Variants in AFAP1L2 observed in about 807,000 individuals in gnomAD.
The protein encoded by AFAP1L2 is actin filament associated protein 1 like 2, also known as actin filament-associated protein 1-like 2.
A neutral mutation model predicts 99.3 loss-of-function variants in AFAP1L2; 46 were observed. That is an observed-to-expected ratio of 0.46 (90% confidence interval 0.37 to 0.59). The LOEUF (loss-of-function observed/expected upper bound fraction) is 0.59. AFAP1L2 is among the 20% of genes least tolerant of loss of function. The pLI is 0.00. For missense variants in AFAP1L2, 959 were observed against 1,034.9 expected, an observed-to-expected ratio of 0.93 and a Z score of 1.01; for synonymous variants, 397 against 419.1, an observed-to-expected ratio of 0.95 and a Z score of 0.64.
chr10:114,294,094 T>TTCAA (rs1171958981), downstream of AFAP1L2, among the ~76,000 whole-genome samples: 5 of 152,202 alleles, frequency 3.3e-5, no homozygotes, highest in Non-Finnish European at 5.9e-5. Flanking sequence ...TTTGTGTATT[T>TTCAA]TCAATCATTG....
chr10:114,388,798 C>T (rs1159075864), intron 1 of AFAP1L2, among the ~76,000 whole-genome samples: 3 of 152,166 alleles, frequency 2.0e-5, no homozygotes, highest in South Asian at 2.1e-4. Context: ...CTTGAGAAAA[C>T]AGAAATGAGG....
the AFAP1L2 span, chr10:114,288,984 T>C: frequency 6.2e-7 from 1 of 1,614,114 alleles, no homozygotes; most frequent in Non-Finnish European, 8.5e-7. Context: ...TGGACACCTC[T>C]GCCTCAGTAG....
In AFAP1L2 at chr10:114,313,911, A is replaced by G; in HGVS notation, c.752T>C (p.Leu251Pro). Residue 251 changes from leucine (L) to proline (P), a missense_variant, in exon 7 of 19, where the codon CTG becomes CCG. Leu to Pro is a moderately conservative substitution (Grantham distance 98). Transcript: ENST00000304129. ...AGCCTGGTCCTTGCTCTGCAGGCCC[A>G]GCACAATCACATCGGCATTCATCGG... is the stretch of plus-strand genomic sequence containing the variant. ...ITPMNADVIV[L>P]GLQSKDQAEQ... is the part of the protein sequence containing the mutation. 6.2e-7 allele frequency: 1 copy of G among 1,613,902 alleles called. No homozygotes were observed. Among genetic ancestry groups the G allele is most frequent in the Non-Finnish European group, 8.5e-7 (1 of 1,179,928 alleles).
At chr10:114,341,751 C>T (rs537541607) in intron 1 of AFAP1L2, among the ~76,000 whole-genome samples, 1 of 152,296 alleles carries the variant, frequency 6.6e-6, no homozygotes, top group Admixed American at 6.5e-5. Flanking sequence ...ACACAGCACC[C>T]CTCTTTCCTT....
At chr10:114,335,297 T>C (rs577515849) in intron 2 of AFAP1L2, among the ~76,000 whole-genome samples, 6 of 152,148 alleles carry the variant, frequency 3.9e-5, no homozygotes, top group East Asian at 3.9e-4. Context: ...CAATACTGCA[T>C]GATTTTTTTT....
intron 1 of AFAP1L2, among the ~76,000 whole-genome samples, chr10:114,353,543 AT>A (rs1395858026): frequency 6.6e-6 from 1 of 152,254 alleles, no homozygotes; most frequent in African/African-American, 2.4e-5. Context: ...AAGGGAGGCC[AT>A]GTGGTTCCAC....
chr10:114,296,159 G>A (rs2040190376), intron 18 of AFAP1L2, 91 bp from the exon 19 acceptor site: 1 of 1,564,224 alleles, frequency 6.4e-7, no homozygotes, highest in South Asian at 1.1e-5. Context: ...TAGAAAAAAT[G>A]TGAGAAAAAC....
At chr10:114,355,796 A>G (rs2051283060) in intron 1 of AFAP1L2, among the ~76,000 whole-genome samples, 1 of 151,834 alleles carries the variant, frequency 6.6e-6, no homozygotes, top group Admixed American at 6.5e-5. Flanking sequence ...ACATGCAAAA[A>G]CCCTATCTCT....
intron 2 of AFAP1L2, among the ~76,000 whole-genome samples, chr10:114,337,211 C>A (rs1039269805): frequency 4.6e-5 from 7 of 152,242 alleles, no homozygotes; most frequent in African/African-American, 1.7e-4. Flanking sequence ...CAGGCCCAAG[C>A]CCTGGCTCTG....
At position 114,310,672 on chromosome 10, in the gene AFAP1L2, G is replaced by A. The variant is rs565819125; in HGVS notation, c.793-229C>T. Among the ~76,000 whole-genome samples the A allele has an allele frequency of 2.2e-4, 34 of 152,294 alleles. 1 individual carries two copies. Among genetic ancestry groups the A allele is most frequent in the South Asian group, 1.4e-3 (7 of 4,828 alleles). ...AGGGCTCGTTGTTTAGCTCCTTTCC[G>A]CAGGTCCCACACGTTCATGGGCATG... is the stretch of plus-strand genomic sequence containing the variant. On this transcript the variant is annotated intron_variant, in intron 7 of 18. Transcript: ENST00000304129.
chr10:114,329,627 C>G (rs1170975718), intron 4 of AFAP1L2, among the ~76,000 whole-genome samples: 1 of 152,184 alleles, frequency 6.6e-6, no homozygotes, highest in Non-Finnish European at 1.5e-5. Context: ...CTGGGCCATA[C>G]CAGAAAACCT....
At chr10:114,308,288 T>C (rs2042723545) in intron 9 of AFAP1L2, 145 bp downstream of exon 9, 1 of 684,142 alleles carries the variant, frequency 1.5e-6, no homozygotes, top group South Asian at 1.9e-5. Context: ...GTCTCCCTTT[T>C]TCCTGGATCT....
chr10:114,391,968 A>G (rs2057209212), intron 1 of AFAP1L2, among the ~76,000 whole-genome samples: 1 of 152,202 alleles, frequency 6.6e-6, no homozygotes, highest in Non-Finnish European at 1.5e-5. Flanking sequence ...CCCCACAGCC[A>G]CTGGTGAGCT....
chr10:114,323,252 G>T lies in AFAP1L2; in HGVS notation c.325C>A (p.Arg109=). 1 of 1,594,638 alleles carries T rather than the reference G, an allele frequency of 6.3e-7. No individual in the cohort carries two copies. The highest frequency in any genetic ancestry group is 8.6e-7 in the Non-Finnish European group (1 of 1,169,204). ...DLPPPKMIPE[R]KQLAIPKTES... ...GTCTTTGGGATGGCAAGCTGTTTCC[G>T]TTCTGGAATCTGTGGTATGAACAAA... is the stretch of plus-strand genomic sequence containing the variant. The change falls in exon 5 of 19, where the codon CGG becomes AGG. Residue 109 remains arginine (R), a synonymous_variant. Coordinates refer to ENST00000304129, the MANE Select transcript of AFAP1L2 (RefSeq NM_001001936.3).
chr10:114,369,245 C>T (rs1471626274), intron 1 of AFAP1L2, among the ~76,000 whole-genome samples: 1 of 152,060 alleles, frequency 6.6e-6, no homozygotes, highest in African/African-American at 2.4e-5. Context: ...AACATTGAAG[C>T]CAGGAGTTCA....
At chr10:114,376,237 T>C (rs1433961878) in intron 1 of AFAP1L2, among the ~76,000 whole-genome samples, 1 of 152,192 alleles carries the variant, frequency 6.6e-6, no homozygotes, top group Non-Finnish European at 1.5e-5. Flanking sequence ...CACATTGACT[T>C]GTGAAATAAA....
chr10:114,303,984 C>T (rs1260226705), intron 11 of AFAP1L2, among the ~76,000 whole-genome samples: 2 of 152,214 alleles, frequency 1.3e-5, no homozygotes, highest in African/African-American at 2.4e-5. Flanking sequence ...GCCACAAGGA[C>T]GGAGTCCATA....
chr10:114,311,142 A>G (rs1387864354), intron 7 of AFAP1L2, among the ~76,000 whole-genome samples: 3 of 152,104 alleles, frequency 2.0e-5, no homozygotes, highest in Admixed American at 2.0e-4. Context: ...AGACTCTGGG[A>G]AGGGAGGCTG....
chr10:114,327,146 T>C (rs1292659236), intron 4 of AFAP1L2, among the ~76,000 whole-genome samples: 1 of 27,762 alleles, frequency 3.6e-5, no homozygotes. Flanking sequence ...TTTATATATA[T>C]TTATATATAT....
Sources: gnomAD v4.1 joint callset for allele counts (sites outside exome capture counted in the v4.1 genomes callset) on GRCh38, gnomAD v4.1.1 for gene constraint, MANE v1.5 for transcripts, NCBI Gene and HGNC (gene_info 2026-07-23, HGNC 2026-07-21) for gene names.